CDH17: variants seen among roughly 807,000 people sequenced by gnomAD.
The protein encoded by CDH17 is cadherin 17, also known as cadherin-17.
Under a neutral mutation model 86.3 loss-of-function variants are expected in CDH17, and 67 were observed. The observed-to-expected ratio is 0.78, with a 90% CI of 0.64 to 0.95. The LOEUF is 0.95. Ranked by LOEUF, CDH17 falls within the 40% of genes least tolerant of loss-of-function variation. The probability of loss-of-function intolerance (pLI) is 0.00; values close to 1 mark genes in which losing one functional copy is unlikely to be tolerated. For missense variants in CDH17, 993 were observed against 1,017.6 expected, an observed-to-expected ratio of 0.98 and a Z score of 0.33; for synonymous variants, 367 against 366.4, an observed-to-expected ratio of 1.00 and a Z score of -0.02.
rs959828124 is a variant in CDH17 at position 94,216,667 on chromosome 8, C to T, written c.-21+531G>A. 7.3e-5 allele frequency among the ~76,000 whole-genome samples: 11 copies of T among 151,102 alleles called. 1 individual carries two copies. In the South Asian group the frequency reaches 1.9e-3, roughly 26 times the overall value. Reference sequence around the variant, plus strand: ...CCAGGACTATATCTAAAGGGATTTACAGGACAGAGGTAGCTGTACTTCTTC... The same window carrying T: ...CCAGGACTATATCTAAAGGGATTTATAGGACAGAGGTAGCTGTACTTCTTC... On this transcript the variant is annotated intron_variant, in intron 1 of 17. Transcript: ENST00000450165.
intron 1 of CDH17, among the ~76,000 whole-genome samples, chr8:94,198,063 T>G (rs757519499): frequency 1.3e-5 from 2 of 152,178 alleles, no homozygotes; most frequent in Non-Finnish European, 2.9e-5. Context: ...GTGCTTTATA[T>G]AGTTTGATAG....
intron 15 of CDH17, among the ~76,000 whole-genome samples, chr8:94,138,138 T>C (rs1020223483): frequency 6.6e-6 from 1 of 152,016 alleles, no homozygotes; most frequent in African/African-American, 2.4e-5. Flanking sequence ...AAAAATTTGA[T>C]TTTGCTACAA....
chr8:94,173,046 A>G (rs2130640132), intron 7 of CDH17, among the ~76,000 whole-genome samples: 2 of 152,226 alleles, frequency 1.3e-5, no homozygotes, highest in African/African-American at 4.8e-5. Context: ...AAATCAAACC[A>G]TGTCCATACA....
At chr8:94,177,012 C>G (rs550941254) in intron 4 of CDH17, among the ~76,000 whole-genome samples, 1 of 152,184 alleles carries the variant, frequency 6.6e-6, no homozygotes, top group Non-Finnish European at 1.5e-5. Context: ...GGCGGTCAGC[C>G]TGCAAGGCCT....
chr8:94,136,243 G>A (rs1471662612), intron 15 of CDH17, among the ~76,000 whole-genome samples: 2 of 152,194 alleles, frequency 1.3e-5, no homozygotes, highest in African/African-American at 2.4e-5. Context: ...ATATCCTGAA[G>A]AGTGTTTTCC....
rs1813856630 is a variant in CDH17, at chr8:94,199,128, T to C, written c.-20-4423A>G. On this transcript the variant is annotated intron_variant, in intron 1 of 17. Coordinates refer to ENST00000027335, the MANE Select transcript of CDH17 (RefSeq NM_004063.4). ...TGTCTGTTAGCATTACTGCCACTAT[T>C]AAATAAAATCCTTAAGGGCAGAGGC... 2.0e-5 allele frequency among the ~76,000 whole-genome samples: 3 copies of C among 147,072 alleles called. 1 individual carries two copies. The Admixed American group carries it at 2.1e-4, about 10-fold the overall frequency.
chr8:94,141,610 C>T (rs1267792257), intron 15 of CDH17, among the ~76,000 whole-genome samples: 6 of 151,990 alleles, frequency 3.9e-5, no homozygotes, highest in Admixed American at 3.9e-4. Context: ...CATTATATTC[C>T]TATATCTAGA....
intron 15 of CDH17, among the ~76,000 whole-genome samples, chr8:94,143,821 G>A (rs376121756): frequency 6.6e-6 from 1 of 152,150 alleles, no homozygotes. Context: ...TTCTAGGTTA[G>A]ATTTTGGTTT....
At position 94,214,528 on chromosome 8, in the gene CDH17, G is replaced by C. The variant is rs575976142; in HGVS notation, c.-21+2670C>G. ...AATATATCAAAGACATAAATTATAA[G>C]GGCTGAAACTATAAAATTCTAAGAA... On this transcript the variant is annotated intron_variant, in intron 1 of 17. Coordinates refer to the CDH17 transcript ENST00000450165. Among the ~76,000 whole-genome samples, 3 of 152,202 alleles carry C rather than the reference G, an allele frequency of 2.0e-5. No individual in the cohort carries two copies. The South Asian group carries it at 6.2e-4, about 32-fold the overall frequency.
At chr8:94,169,070 G>A (rs1451759259) in intron 9 of CDH17, among the ~76,000 whole-genome samples, 1 of 152,208 alleles carries the variant, frequency 6.6e-6, no homozygotes, top group Non-Finnish European at 1.5e-5. Flanking sequence ...CTGTTTTGCA[G>A]AAATAGGTAA....
At chr8:94,161,986 C>G (rs1813062150) in intron 11 of CDH17, 100 bp downstream of exon 11, 1 of 750,224 alleles carries the variant, frequency 1.3e-6, no homozygotes, top group East Asian at 2.6e-5. Flanking sequence ...CCTGTTAAGT[C>G]TGGCACTTTT....
intron 1 of CDH17, among the ~76,000 whole-genome samples, chr8:94,201,552 C>A (rs993742922): frequency 6.6e-6 from 1 of 152,166 alleles, no homozygotes; most frequent in African/African-American, 2.4e-5. Flanking sequence ...CACAGAAGAT[C>A]CTTCCTTCAC....
chr8:94,156,506 C>A (rs1253716152), intron 12 of CDH17, among the ~76,000 whole-genome samples: 1 of 152,176 alleles, frequency 6.6e-6, no homozygotes, highest in Non-Finnish European at 1.5e-5. Flanking sequence ...GCCCCAAGAG[C>A]ATGATAACCA....
rs761657966 is a variant in CDH17 at position 94,176,683 on chromosome 8, A to G, written c.286-4T>C. 6.2e-7 allele frequency: 1 copy of G among 1,608,480 alleles called. No individual in the cohort carries two copies. Among genetic ancestry groups the G allele is most frequent in the Non-Finnish European group, 8.5e-7 (1 of 1,178,072 alleles). ...CATTAGCGTCCAGGGCTGCAACCTG[A>G]TGTTGAGGAAAAGGAAACCATGTTG... is the stretch of plus-strand genomic sequence containing the variant. On this transcript the variant is annotated splice_polypyrimidine_tract_variant and splice_region_variant and intron_variant, in intron 4 of 17. Coordinates refer to ENST00000027335, the MANE Select transcript of CDH17 (RefSeq NM_004063.4).
chr8:94,164,390 G>A (rs1367539239), intron 10 of CDH17, among the ~76,000 whole-genome samples: 4 of 152,208 alleles, frequency 2.6e-5, no homozygotes, highest in Non-Finnish European at 4.4e-5. Flanking sequence ...TGTCTCCCCA[G>A]TACCTTGCAT....
At chr8:94,169,736 C>G (rs1200376888) in intron 9 of CDH17, among the ~76,000 whole-genome samples, 1 of 152,150 alleles carries the variant, frequency 6.6e-6, no homozygotes, top group Admixed American at 6.5e-5. Flanking sequence ...CCCAGAGAAG[C>G]CATAAAACTC....
At chr8:94,138,952 A>G (rs556078725) in intron 15 of CDH17, among the ~76,000 whole-genome samples, 1 of 152,232 alleles carries the variant, frequency 6.6e-6, no homozygotes, top group Admixed American at 6.5e-5. Context: ...CAGCATCTAA[A>G]TGTCTGGCAT....
Position 94,170,994 on chromosome 8 carries a change from C to T in CDH17, c.784-9G>A. The T allele has an allele frequency of 6.2e-7, 1 of 1,612,202 alleles. No homozygotes were observed. Among genetic ancestry groups the T allele is most frequent in the Non-Finnish European group, 8.5e-7 (1 of 1,179,158 alleles). On this transcript the variant is annotated splice_polypyrimidine_tract_variant and intron_variant, in intron 7 of 17. Transcript: ENST00000027335. ...GGATCATTCCACCGCACCTACAGGG[C>T]CCAAAGTCAGTTGTGAGGAAAGCTG... is the stretch of plus-strand genomic sequence containing the variant.
intron 15 of CDH17, among the ~76,000 whole-genome samples, chr8:94,139,846 C>A (rs1189731689): frequency 1.3e-5 from 2 of 150,978 alleles, no homozygotes; most frequent in African/African-American, 2.4e-5. Context: ...GAGATTGTGC[C>A]ACTGCACTCC....
Sources: allele counts gnomAD v4.1 joint callset (sites outside exome capture counted in the v4.1 genomes callset), GRCh38; gene constraint gnomAD v4.1.1; transcripts MANE v1.5; gene names NCBI Gene and HGNC (gene_info 2026-07-23, HGNC 2026-07-21).